The following DYNC1H1 variants were observed in gnomAD, a reference collection of about 807,000 sequenced individuals.
DYNC1H1 encodes cytoplasmic dynein 1 heavy chain 1.
Under a neutral mutation model 527.1 loss-of-function variants are expected in DYNC1H1, and 51 were observed. That is an observed-to-expected ratio of 0.10 (90% CI 0.08 to 0.12). The LOEUF is 0.12. Ranked by LOEUF, DYNC1H1 falls within the 10% of genes least tolerant of loss-of-function variation. The probability of loss-of-function intolerance (pLI) is 1.00; values close to 1 mark genes in which losing one functional copy is unlikely to be tolerated. For synonymous variants in DYNC1H1, 2,189 were observed against 2,278.8 expected (o/e 0.96, Z 1.12); for missense variants, 2,771 against 5,971.8 (o/e 0.46, Z 17.66).
In DYNC1H1 at chr14:102,047,737, C is replaced by T. The variant is rs2152600067; in HGVS notation, c.13007-80C>T. On this transcript the variant is annotated intron_variant, in intron 72 of 77. Transcript: ENST00000360184. ...GGACTCACTCACCATGTGGCCTTTA[C>T]GTTCAAGTCCCTTTTCCCTCTGTGA... The T allele has an allele frequency of 3.2e-6, 5 of 1,578,278 alleles. No homozygotes were observed. In the South Asian group the frequency reaches 3.4e-5, roughly 11 times the overall value.
chr14:102,006,419 G>A (rs993124492), intron 27 of DYNC1H1, among the ~76,000 whole-genome samples: 1 of 152,094 alleles, frequency 6.6e-6, no homozygotes, highest in Non-Finnish European at 1.5e-5. Context: ...ATTTTTCATA[G>A]AGACAGGGTT....
At position 102,018,906 on chromosome 14, in the gene DYNC1H1, G is replaced by T. The variant is rs544987198; in HGVS notation, c.8343+290G>T. ...GCAGAGCTTACGATGAGCCATGATT[G>T]TGCCACTGCACCAGCCTGGGTGACA... is the stretch of plus-strand genomic sequence containing the variant. On this transcript the variant is annotated intron_variant, in intron 41 of 77. Coordinates refer to ENST00000360184, the MANE Select transcript of DYNC1H1 (RefSeq NM_001376.5). The surrounding 1 kb of genome is among the most constrained non-coding windows in gnomAD (Gnocchi z 5.2). Among the ~76,000 whole-genome samples the T allele has an allele frequency of 1.3e-5, 2 of 152,292 alleles. No homozygotes were observed. Among genetic ancestry groups the T allele is most frequent in the South Asian group, 4.1e-4 (2 of 4,832 alleles).
At position 102,029,595 on chromosome 14, in the gene DYNC1H1, C is replaced by T; in HGVS notation, c.9525C>T (p.His3175=). The T allele has an allele frequency of 6.2e-7, 1 of 1,614,238 alleles. No individual in the cohort carries two copies. Among genetic ancestry groups the T allele is most frequent in the Admixed American group, 1.7e-5 (1 of 60,028 alleles). Reference sequence around the variant, plus strand: ...GAACGATGGCCATCACCCCTCGCCACTACCTGGACTTCATCAATCACTATG... The same window carrying T: ...GAACGATGGCCATCACCCCTCGCCATTACCTGGACTTCATCAATCACTATG... The part of the protein sequence containing the change: ...GGRTMAITPR[H]YLDFINHYAN... The change falls in exon 49 of 78, where the codon CAC becomes CAT. Residue 3175 remains histidine (H), a synonymous_variant. Transcript: ENST00000360184. This position sits in a 1 kb window ranked among gnomAD's most constrained non-coding sequence, Gnocchi z 5.3.
At chr14:102,032,862 G>T in intron 52 of DYNC1H1, 1 of 620,488 alleles carries the variant, frequency 1.6e-6, no homozygotes, top group Non-Finnish European at 2.8e-6. Context: ...CATTAAAAAA[G>T]AAGAAAGAAA....
At chr14:101,991,404 A>T in intron 10 of DYNC1H1, 123 bp from the exon 11 acceptor site, 2 of 1,218,038 alleles carry the variant, frequency 1.6e-6, no homozygotes, top group Non-Finnish European at 2.3e-6. Context: ...GGCGGAGGTT[A>T]CAGTGAGCCA....
At chr14:102,000,244 T>A in intron 17 of DYNC1H1, 42 bp from the exon 18 acceptor site, 3 of 1,614,140 alleles carry the variant, frequency 1.9e-6, no homozygotes, top group Non-Finnish European at 2.5e-6. Flanking sequence ...CTGGGGTGAT[T>A]TCTATTTCCA....
chr14:101,998,095 T>G (rs972764077), intron 16 of DYNC1H1, among the ~76,000 whole-genome samples: 3 of 152,252 alleles, frequency 2.0e-5, no homozygotes, highest in African/African-American at 2.4e-5. Flanking sequence ...CTTTGTTATT[T>G]TTATTTGTTA....
At chr14:102,003,985 T>C (rs2048164170) in intron 23 of DYNC1H1, among the ~76,000 whole-genome samples, 2 of 151,656 alleles carry the variant, frequency 1.3e-5, no homozygotes, top group African/African-American at 4.9e-5. Flanking sequence ...CTCACGCCTG[T>C]AATCCCAGCA....
In DYNC1H1 at chr14:102,011,026, G is replaced by C; in HGVS notation, c.6618+74G>C. The C allele has an allele frequency of 6.6e-7, 1 of 1,517,264 alleles. No homozygotes were observed. The highest frequency in any genetic ancestry group is 9.1e-7 in the Non-Finnish European group (1 of 1,093,748). The allele number at this position is 1,517,264 out of a possible 1,614,324, so 94.0% of individuals were successfully genotyped here. ...TTTAGTGTCTGGTAATGACAACCGTGGGCCCTTCGATGAAACTGTCCACAA... is the reference window on the plus strand; with the variant it reads ...TTTAGTGTCTGGTAATGACAACCGTCGGCCCTTCGATGAAACTGTCCACAA... On this transcript the variant is annotated intron_variant, in intron 32 of 77. Transcript: ENST00000360184. This position sits in a 1 kb window ranked among gnomAD's most constrained non-coding sequence, Gnocchi z 5.3.
At chr14:102,023,422 G>A (rs1405905597) in intron 43 of DYNC1H1, 1 of 225,254 alleles carries the variant, frequency 4.4e-6, no homozygotes, top group Non-Finnish European at 8.9e-6. Flanking sequence ...GGTGACGCAT[G>A]TCTGTAATCC....
In DYNC1H1 at chr14:102,022,831, G is replaced by A; in HGVS notation, c.8588G>A (p.Arg2863Lys). 1 of 1,614,230 alleles carries A rather than the reference G, an allele frequency of 6.2e-7. No individual in the cohort carries two copies. The highest frequency in any genetic ancestry group is 8.5e-7 in the Non-Finnish European group (1 of 1,180,048). ...CTGAAGCACTTCCCTAACATCGACA[G>A]AGAGAAGGCAATGAGCCGACCCATC... ...VALKHFPNID[R>K]EKAMSRPILY... Residue 2863 changes from arginine to lysine, a missense_variant, in exon 43 of 78, where the codon AGA becomes AAA. This residue lies in a region of DYNC1H1 where 163 missense variants were observed against 346.9 expected (regional missense o/e 0.47). Coordinates refer to ENST00000360184, the MANE Select transcript of DYNC1H1 (RefSeq NM_001376.5).
At position 102,044,944 on chromosome 14, in the gene DYNC1H1, A is replaced by C. The variant is rs1228430162; in HGVS notation, c.13006+246A>C. On this transcript the variant is annotated intron_variant, in intron 72 of 77. Coordinates refer to ENST00000360184, the MANE Select transcript of DYNC1H1 (RefSeq NM_001376.5). The surrounding 1 kb of genome is among the most constrained non-coding windows in gnomAD (Gnocchi z 7.1). ...CTCTGCAGCATCAACTCAGTTCTAGAGAAAAGGCTTGATATTTATGTAAAT... is the reference window on the plus strand; with the variant it reads ...CTCTGCAGCATCAACTCAGTTCTAGCGAAAAGGCTTGATATTTATGTAAAT... The C allele has an allele frequency of 1.7e-6, 1 of 571,658 alleles. No individual in the cohort carries two copies. The highest frequency in any genetic ancestry group is 3.1e-6 in the Non-Finnish European group (1 of 319,096). The allele number at this position is 571,658 out of a possible 1,614,324, so 35.4% of individuals were successfully genotyped here. A position where few individuals can be genotyped will look rare whatever the true frequency, so the allele number is the denominator to read the frequency against.
chr14:102,010,683 C>T lies in DYNC1H1; in HGVS notation c.6406-57C>T, dbSNP rs1336550588. ...ACTGATCACGCACCTCCTGGGGATG[C>T]AGCGGGCAGTACTTGAGCCATGCTG... On this transcript the variant is annotated intron_variant, in intron 31 of 77. Coordinates refer to ENST00000360184, the MANE Select transcript of DYNC1H1 (RefSeq NM_001376.5). This position sits in a 1 kb window ranked among gnomAD's most constrained non-coding sequence, Gnocchi z 6.0. 1.9e-6 allele frequency: 3 copies of T among 1,602,190 alleles called. No individual in the cohort carries two copies. Among genetic ancestry groups the T allele is most frequent in the East Asian group, 2.2e-5 (1 of 44,796 alleles).
chr14:102,002,788 G>A lies in DYNC1H1; in HGVS notation c.4710-4G>A, dbSNP rs2048147017. 1.2e-6 allele frequency: 2 copies of A among 1,614,114 alleles called. No individual in the cohort carries two copies. Among genetic ancestry groups the A allele is most frequent in the East Asian group, 4.5e-5 (2 of 44,898 alleles). ...GCTGACGCATGTTTTAATTTCATTTGTAGCATCAGCACTGAGTTTTTGGCT... is the reference window on the plus strand; with the variant it reads ...GCTGACGCATGTTTTAATTTCATTTATAGCATCAGCACTGAGTTTTTGGCT... On this transcript the variant is annotated splice_polypyrimidine_tract_variant and splice_region_variant and intron_variant, in intron 22 of 77. Coordinates refer to ENST00000360184, the MANE Select transcript of DYNC1H1 (RefSeq NM_001376.5). This position sits in a 1 kb window ranked among gnomAD's most constrained non-coding sequence, Gnocchi z 4.4.
intron 10 of DYNC1H1, 96 bp downstream of exon 10, chr14:101,988,948 C>T: frequency 6.6e-7 from 1 of 1,506,192 alleles, no homozygotes; most frequent in Non-Finnish European, 9.0e-7. Context: ...GTGTGGACAC[C>T]TGGCAGATGC....
rs768711201 is a variant in DYNC1H1, at chr14:102,039,283, C to T, written c.11460+29C>T. The T allele has an allele frequency of 8.1e-6, 13 of 1,611,678 alleles. No individual in the cohort carries two copies. The highest frequency in any genetic ancestry group is 6.7e-5 in the African/African-American group (5 of 74,880). ...GGTGCCTTGGCCATGCAGAGACTGG[C>T]GGGCCCCGCACAGTAGCTCCTTGGC... On this transcript the variant is annotated intron_variant, in intron 60 of 77. Transcript: ENST00000360184. This position sits in a 1 kb window ranked among gnomAD's most constrained non-coding sequence, Gnocchi z 7.0.
At position 102,029,417 on chromosome 14, in the gene DYNC1H1, C is replaced by G; in HGVS notation, c.9469-122C>G. The G allele has an allele frequency of 1.5e-6, 2 of 1,340,344 alleles. No homozygotes were observed. Among genetic ancestry groups the G allele is most frequent in the Non-Finnish European group, 1.0e-6 (1 of 957,362 alleles). The allele number at this position is 1,340,344 out of a possible 1,614,324, so 83.0% of individuals were successfully genotyped here. A position where few individuals can be genotyped will look rare whatever the true frequency, so the allele number is the denominator to read the frequency against. On this transcript the variant is annotated intron_variant, in intron 48 of 77. Coordinates refer to ENST00000360184, the MANE Select transcript of DYNC1H1 (RefSeq NM_001376.5). The surrounding 1 kb of genome is among the most constrained non-coding windows in gnomAD (Gnocchi z 5.3). Reference sequence around the variant, plus strand: ...TAAGCTGAGGCCCGACTCGAGTGTTCTGGCCCCGAGGGCCAGGCTCCTTCT... The same window carrying G: ...TAAGCTGAGGCCCGACTCGAGTGTTGTGGCCCCGAGGGCCAGGCTCCTTCT...
At position 102,017,214 on chromosome 14, in the gene DYNC1H1, C is replaced by T; in HGVS notation, c.7975C>T (p.Leu2659=). 1 of 1,614,242 alleles carries T rather than the reference C, an allele frequency of 6.2e-7. No individual in the cohort carries two copies. Among genetic ancestry groups the T allele is most frequent in the Non-Finnish European group, 8.5e-7 (1 of 1,180,050 alleles). ...VLAPVQLGKW[L]VLFCDEINLP... ...GGCTCCTGTTCAACTTGGAAAGTGG[C>T]TGGTGTTGTTCTGTGATGAAATCAA... The change falls in exon 39 of 78, where the codon CTG becomes TTG. Residue 2659 remains leucine, a synonymous_variant. Coordinates refer to ENST00000360184, the MANE Select transcript of DYNC1H1 (RefSeq NM_001376.5). The surrounding 1 kb of genome is among the most constrained non-coding windows in gnomAD (Gnocchi z 4.6).
chr14:101,985,681 C>T lies in DYNC1H1; in HGVS notation c.1462-6C>T, dbSNP rs776545422. ...CATTTCTTGATTACATATCTTTCTC[C>T]TTTAGGTCACGGCAGTTGCACAACA... On this transcript the variant is annotated splice_region_variant and splice_polypyrimidine_tract_variant and intron_variant, in intron 7 of 77. Transcript: ENST00000360184. This position sits in a 1 kb window ranked among gnomAD's most constrained non-coding sequence, Gnocchi z 5.9. 2.5e-6 allele frequency: 4 copies of T among 1,614,034 alleles called. No homozygotes were observed. In the East Asian group the frequency reaches 6.7e-5, roughly 27 times the overall value.
Sources: allele counts gnomAD v4.1 joint callset (sites outside exome capture counted in the v4.1 genomes callset), GRCh38; gene constraint gnomAD v4.1.1; regional missense constraint gnomAD v4.1.1; non-coding constraint Gnocchi (gnomAD v3.1); transcripts MANE v1.5; gene names NCBI Gene and HGNC (gene_info 2026-07-23, HGNC 2026-07-21).